The following MALRD1 variants were observed in gnomAD, a reference collection of about 807,000 sequenced individuals.
MALRD1 encodes the protein MAM and LDL-receptor class A domain-containing protein 1.
In MALRD1, 247 loss-of-function variants were observed where a neutral mutation model predicts 242.1. The ratio of observed to expected loss-of-function variants is 1.02; its 90% CI spans 0.92 to 1.13. The LOEUF is 1.13. Ranked by LOEUF, MALRD1 falls within the 50% of genes most tolerant of loss-of-function variation. MALRD1 has a pLI of 0.00. For missense variants in MALRD1, 2,989 were observed against 2,533.1 expected, an observed-to-expected ratio of 1.18 and a Z score of -3.86; for synonymous variants, 995 against 866.6, an observed-to-expected ratio of 1.15 and a Z score of -2.60.
chr10:19,463,553 AGTGTGTGTGT>A (rs142025703), intron 29 of MALRD1, among the ~76,000 whole-genome samples: 61,977 of 150,002 alleles, frequency 0.41, 12,910 homozygotes, highest in East Asian at 0.45. Context: ...GTGGCTGAGT[AGTGTGTGTGT>A]GTGTGTGTGT....
intron 36 of MALRD1, among the ~76,000 whole-genome samples, chr10:19,689,681 G>C (rs1842742289): frequency 6.6e-6 from 1 of 152,030 alleles, no homozygotes; most frequent in Non-Finnish European, 1.5e-5. Context: ...TTTTGGTTTT[G>C]CTTTGGCTTA....
intron 28 of MALRD1, among the ~76,000 whole-genome samples, chr10:19,427,582 C>G (rs1442813624): frequency 1.3e-5 from 2 of 152,102 alleles, no homozygotes; most frequent in Non-Finnish European, 2.9e-5. Flanking sequence ...TCAAACAAAT[C>G]TGGGTTCAAT....
intron 2 of MALRD1, among the ~76,000 whole-genome samples, chr10:19,079,754 T>G (rs1835425275): frequency 1.3e-5 from 2 of 151,948 alleles, no homozygotes; most frequent in Non-Finnish European, 2.9e-5. Context: ...CAATAAGAAT[T>G]CTGTCTTCTG....
chr10:19,549,952 G>A (rs953193784), intron 32 of MALRD1, among the ~76,000 whole-genome samples: 3 of 152,122 alleles, frequency 2.0e-5, no homozygotes, highest in African/African-American at 7.2e-5. Flanking sequence ...ATATAATAGA[G>A]AGCAATGCCT....
At chr10:19,688,117 C>T (rs1230647031) in intron 36 of MALRD1, among the ~76,000 whole-genome samples, 1 of 151,926 alleles carries the variant, frequency 6.6e-6, no homozygotes, top group Admixed American at 6.6e-5. Context: ...TTACAGGCAC[C>T]CGCCACCACA....
At chr10:19,375,505 C>A (rs1588984770) in intron 26 of MALRD1, among the ~76,000 whole-genome samples, 1 of 152,072 alleles carries the variant, frequency 6.6e-6, no homozygotes, top group Non-Finnish European at 1.5e-5. Context: ...CCAAAATCAC[C>A]TGCAAGGCCC....
At chr10:19,070,866 T>C (rs914630629) in intron 2 of MALRD1, among the ~76,000 whole-genome samples, 6 of 75,424 alleles carry the variant, frequency 8.0e-5, no homozygotes, top group Non-Finnish European at 1.3e-4. Context: ...TTTTTTTTTT[T>C]CCGGAGACAC....
chr10:19,310,390 C>A (rs1267572255), intron 21 of MALRD1, among the ~76,000 whole-genome samples: 1 of 151,382 alleles, frequency 6.6e-6, no homozygotes, highest in Non-Finnish European at 1.5e-5. Flanking sequence ...AATTGTGATA[C>A]ATTCGTGGTG....
chr10:19,601,506 A>G (rs1460080224), intron 34 of MALRD1, among the ~76,000 whole-genome samples: 1 of 152,072 alleles, frequency 6.6e-6, no homozygotes, highest in Non-Finnish European at 1.5e-5. Flanking sequence ...CATTAATGCT[A>G]TTTAAAATGC....
chr10:19,670,777 G>A (rs1841879582), intron 36 of MALRD1, among the ~76,000 whole-genome samples: 1 of 152,060 alleles, frequency 6.6e-6, no homozygotes, highest in African/African-American at 2.4e-5. Context: ...AAGTCAGGGA[G>A]TTTATCTTTT....
chr10:19,204,504 GT>G (rs1836702919), intron 16 of MALRD1, 91 bp downstream of exon 16: 1 of 801,014 alleles, frequency 1.2e-6, no homozygotes, highest in African/African-American at 1.8e-5. Context: ...ATTCATTTCT[GT>G]GGTTTACTGC....
chr10:19,628,550 A>T (rs1040596458), intron 36 of MALRD1, among the ~76,000 whole-genome samples: 5 of 152,112 alleles, frequency 3.3e-5, no homozygotes, highest in African/African-American at 1.2e-4. Context: ...AGAGGGAGAA[A>T]ATGTGTAACT....
intron 28 of MALRD1, among the ~76,000 whole-genome samples, chr10:19,443,415 G>A (rs1764726308): frequency 6.6e-6 from 1 of 151,936 alleles, no homozygotes; most frequent in Non-Finnish European, 1.5e-5. Flanking sequence ...GCAATGTTAG[G>A]GTGTCAATTT....
chr10:19,445,110 C>T (rs1412735771), intron 28 of MALRD1, among the ~76,000 whole-genome samples: 1 of 152,216 alleles, frequency 6.6e-6, no homozygotes, highest in African/African-American at 2.4e-5. Flanking sequence ...GCTACTGAAG[C>T]TTGTGCATGT....
intron 36 of MALRD1, among the ~76,000 whole-genome samples, chr10:19,688,356 G>A (rs1842683434): frequency 6.6e-6 from 1 of 151,970 alleles, no homozygotes; most frequent in Non-Finnish European, 1.5e-5. Flanking sequence ...TCCAACTCTT[G>A]GGCTTAAGCA....
At chr10:19,186,726 G>T (rs927730515) in intron 14 of MALRD1, among the ~76,000 whole-genome samples, 1 of 151,960 alleles carries the variant, frequency 6.6e-6, no homozygotes, top group Non-Finnish European at 1.5e-5. Context: ...TGACAAGATC[G>T]TTGTTCTTCT....
chr10:19,347,831 A>C lies in MALRD1; in HGVS notation c.3962A>C (p.Asp1321Ala), dbSNP rs1165864480. 1 of 1,550,502 alleles carries C rather than the reference A, an allele frequency of 6.4e-7. No homozygotes were observed. The highest frequency in any genetic ancestry group is 8.7e-7 in the Non-Finnish European group (1 of 1,146,848). The change falls in exon 25 of 40, where the codon GAT (aspartate) becomes GCT (alanine). Residue 1321 changes from aspartate (D) to alanine (A), a missense_variant. Transcript: ENST00000454679. ...CTTTGTTCCTGGAAGCAGGAGAAAGATGAGGACTTTGACTGGAACCTGAAA... is the reference window on the plus strand; with the variant it reads ...CTTTGTTCCTGGAAGCAGGAGAAAGCTGAGGACTTTGACTGGAACCTGAAA... The part of the protein sequence containing the change: ...FDLCSWKQEK[D>A]EDFDWNLKAS...
At chr10:19,118,318 A>C (rs1043512484) in intron 5 of MALRD1, among the ~76,000 whole-genome samples, 1 of 152,228 alleles carries the variant, frequency 6.6e-6, no homozygotes, top group Non-Finnish European at 1.5e-5. Flanking sequence ...TCCTGAGAAC[A>C]GGTGCCCAAG....
At chr10:19,166,729 TAAAA>T (rs1268918835) in intron 13 of MALRD1, among the ~76,000 whole-genome samples, 1 of 152,156 alleles carries the variant, frequency 6.6e-6, no homozygotes, top group Non-Finnish European at 1.5e-5. Context: ...AATATAATAA[TAAAA>T]GAAGGCAATT....
Sources: gnomAD v4.1 joint callset for allele counts (sites outside exome capture counted in the v4.1 genomes callset) on GRCh38, gnomAD v4.1.1 for gene constraint, MANE v1.5 for transcripts, NCBI Gene and HGNC (gene_info 2026-07-23, HGNC 2026-07-21) for gene names.